Variants in MED12L observed in about 807,000 individuals in gnomAD.
MED12L encodes the protein mediator of RNA polymerase II transcription subunit 12-like protein.
In MED12L, 60 loss-of-function variants were observed where a neutral mutation model predicts 281.3. That is an observed-to-expected ratio of 0.21 (90% CI 0.17 to 0.26). The LOEUF (loss-of-function observed/expected upper bound fraction) is 0.26, where lower values mean the gene tolerates loss of function less well. MED12L is among the 10% of genes least tolerant of loss of function. The pLI is 1.00. For missense variants in MED12L, 2,146 were observed against 2,680.9 expected, an observed-to-expected ratio of 0.80 and a Z score of 4.41; for synonymous variants, 974 against 987.2, an observed-to-expected ratio of 0.99 and a Z score of 0.25.
chr3:151,337,154 C>T (rs1751111430), intron 16 of MED12L: 2 of 151,924 alleles, frequency 1.3e-5, no homozygotes, highest in Non-Finnish European at 2.9e-5. Flanking sequence ...AGTAAGTCTC[C>T]TTATTTTAAT....
chr3:151,327,772 T>C (rs945065046), intron 16 of MED12L: 18 of 385,266 alleles, frequency 4.7e-5, no homozygotes, highest in Non-Finnish European at 7.4e-5. Flanking sequence ...TAATGACCTC[T>C]AGTGGCCATT....
chr3:151,187,491 A>C (rs550566728), intron 12 of MED12L, among the ~76,000 whole-genome samples: 1 of 152,346 alleles, frequency 6.6e-6, no homozygotes, highest in South Asian at 2.1e-4. Flanking sequence ...TTAAAATTTG[A>C]CCTTCACAAA....
chr3:151,163,782 A>G (rs1576864292), intron 8 of MED12L, 111 bp from the exon 9 acceptor site: 1 of 1,071,630 alleles, frequency 9.3e-7, no homozygotes, highest in Non-Finnish European at 1.3e-6. Context: ...TTTTAAACTT[A>G]CTAGTAGGAG....
intron 16 of MED12L, among the ~76,000 whole-genome samples, chr3:151,239,313 T>C (rs1450304211): frequency 6.6e-6 from 1 of 152,232 alleles, no homozygotes; most frequent in East Asian, 1.9e-4. Context: ...AATATTGCAA[T>C]CATGCTTTAA....
intron 43 of MED12L, among the ~76,000 whole-genome samples, chr3:151,428,336 A>G (rs1424665871): frequency 6.6e-6 from 1 of 152,274 alleles, no homozygotes; most frequent in Admixed American, 6.5e-5. Context: ...ACATTTCCAT[A>G]TAAATGAAAG....
At chr3:151,261,970 A>G (rs1040965915) in intron 16 of MED12L, among the ~76,000 whole-genome samples, 1 of 151,822 alleles carries the variant, frequency 6.6e-6, no homozygotes, top group Non-Finnish European at 1.5e-5. Context: ...CAAGTGATTG[A>G]CCCGCCTCGG....
At chr3:151,107,336 G>C (rs1576739239) in intron 2 of MED12L, among the ~76,000 whole-genome samples, 1 of 152,056 alleles carries the variant, frequency 6.6e-6, no homozygotes, top group Non-Finnish European at 1.5e-5. Flanking sequence ...CAGAGCTCAG[G>C]TCAAAGGCCA....
Position 151,434,655 on chromosome 3 carries a change from A to AAATC in MED12L, c.*1854_*1857dup. Reference sequence around the variant, plus strand: ...ATATCTATATAATGACTGCATTGGCAAATCAACCGAAATGTGAATGTTGTG... The same window carrying AAATC: ...ATATCTATATAATGACTGCATTGGCAAATCAATCAACCGAAATGTGAATGTTGTG... On this transcript the variant is annotated 3_prime_UTR_variant, in exon 45 of 45. Coordinates refer to ENST00000687756, the MANE Select transcript of MED12L (RefSeq NM_001393769.1). The AAATC allele has an allele frequency of 1.3e-5, 2 of 152,348 alleles. No homozygotes were observed. The highest frequency in any genetic ancestry group is 3.9e-4 in the East Asian group (2 of 5,190). The allele number at this position is 152,348 out of a possible 1,614,324, so 9.4% of individuals were successfully genotyped here.
chr3:151,120,243 A>G (rs1390391657), intron 3 of MED12L, among the ~76,000 whole-genome samples: 1 of 151,836 alleles, frequency 6.6e-6, no homozygotes, highest in Admixed American at 6.6e-5. Context: ...AACAAAACGA[A>G]AAACCAAAAA....
chr3:151,369,476 C>T lies in MED12L; in HGVS notation c.3591C>T (p.His1197=). The change falls in exon 26 of 45, where the codon CAC becomes CAT. Residue 1197 remains histidine, a synonymous_variant. Coordinates refer to ENST00000687756, the MANE Select transcript of MED12L (RefSeq NM_001393769.1). The part of the protein sequence containing the change: ...FPGIRSSCDR[H]LLAAAHNSIE... ...GAATAAGATCATCTTGTGATAGACA[C>T]CTCTTAGCCGCTGCTCACAACAGCA... The T allele has an allele frequency of 1.9e-6, 3 of 1,611,742 alleles. No homozygotes were observed. Among genetic ancestry groups the T allele is most frequent in the East Asian group, 2.2e-5 (1 of 44,826 alleles).
chr3:151,376,920 A>G (rs1224996426), intron 29 of MED12L, 46 bp downstream of exon 29: 2 of 1,611,794 alleles, frequency 1.2e-6, no homozygotes. Flanking sequence ...TTTTATAAAA[A>G]GCAAAAACAC....
chr3:151,365,871 C>T lies in MED12L; in HGVS notation c.3207C>T (p.Phe1069=), dbSNP rs773344053. The change falls in exon 23 of 45, where the codon TTC becomes TTT. Residue 1069 remains phenylalanine, a synonymous_variant. Transcript: ENST00000687756. Reference sequence around the variant, plus strand: ...CTAGGATTAACGACATAGCCAATTTCTCCTCTGAGCTTACGGCTTGCTGCA... The same window carrying T: ...CTAGGATTAACGACATAGCCAATTTTTCCTCTGAGCTTACGGCTTGCTGCA... The part of the protein sequence containing the change: ...DAGRINDIAN[F]SSELTACCTV... 10 of 1,610,012 alleles carry T rather than the reference C, an allele frequency of 6.2e-6. No homozygotes were observed. Among genetic ancestry groups the T allele is most frequent in the Non-Finnish European group, 8.5e-6 (10 of 1,177,980 alleles).
intron 10 of MED12L, 84 bp from the exon 11 acceptor site, chr3:151,165,762 C>T: frequency 7.1e-7 from 1 of 1,416,532 alleles, no homozygotes; most frequent in Non-Finnish European, 9.7e-7. Context: ...ATTCTTTTGC[C>T]TCACATAGAA....
intron 16 of MED12L, among the ~76,000 whole-genome samples, chr3:151,274,492 G>A (rs1186185593): frequency 6.6e-6 from 1 of 152,078 alleles, no homozygotes; most frequent in African/African-American, 2.4e-5. Context: ...AGGCAGTTTT[G>A]GGGGCCAGGA....
chr3:151,410,295 C>G (rs1716795971), intron 40 of MED12L, among the ~76,000 whole-genome samples: 1 of 152,182 alleles, frequency 6.6e-6, no homozygotes, highest in African/African-American at 2.4e-5. Context: ...CTCTGGGAAT[C>G]AGGAATGCAG....
chr3:151,266,229 C>T (rs989679185), intron 16 of MED12L, among the ~76,000 whole-genome samples: 1 of 152,170 alleles, frequency 6.6e-6, no homozygotes. Context: ...GTAGATGTCC[C>T]TTCATGACCT....
At chr3:151,230,059 T>G (rs1731336521) in intron 16 of MED12L, among the ~76,000 whole-genome samples, 2 of 152,164 alleles carry the variant, frequency 1.3e-5, no homozygotes, top group African/African-American at 4.8e-5. Context: ...AAGCTTCGCC[T>G]GCTGGGTTCA....
At chr3:151,272,680 G>C (rs754109092) in intron 16 of MED12L, among the ~76,000 whole-genome samples, 2 of 152,172 alleles carry the variant, frequency 1.3e-5, no homozygotes, top group Non-Finnish European at 2.9e-5. Flanking sequence ...GGTGGGTAGA[G>C]GTTGACAGAT....
At chr3:151,163,501 A>G (rs1265434949) in intron 8 of MED12L, among the ~76,000 whole-genome samples, 1 of 151,722 alleles carries the variant, frequency 6.6e-6, no homozygotes, top group Non-Finnish European at 1.5e-5. Flanking sequence ...TTGTTTTTAA[A>G]TACTTCTTTT....
Sources: allele counts gnomAD v4.1 joint callset (sites outside exome capture counted in the v4.1 genomes callset), GRCh38; gene constraint gnomAD v4.1.1; transcripts MANE v1.5; gene names NCBI Gene and HGNC (gene_info 2026-07-23, HGNC 2026-07-21).